ZNF804B: variants seen among roughly 807,000 people sequenced by gnomAD.
ZNF804B encodes the protein zinc finger 804B.
A neutral mutation model predicts 101.4 loss-of-function variants in ZNF804B; 80 were observed. That is an observed-to-expected ratio of 0.79 (90% CI 0.66 to 0.95). The LOEUF (loss-of-function observed/expected upper bound fraction) is 0.95. Among genes scored for constraint, ZNF804B ranks in the 40% least tolerant of loss-of-function variants. The probability of loss-of-function intolerance (pLI) is 0.00; values close to 1 mark genes in which losing one functional copy is unlikely to be tolerated. For synonymous variants in ZNF804B, 622 were observed against 558.8 expected, an observed-to-expected ratio of 1.11 and a Z score of -1.59; for missense variants, 1,673 against 1,561.9, an observed-to-expected ratio of 1.07 and a Z score of -1.20.
chr7:89,118,618 A>G (rs1790352498), intron 1 of ZNF804B, among the ~76,000 whole-genome samples: 1 of 152,194 alleles, frequency 6.6e-6, no homozygotes, highest in African/African-American at 2.4e-5. Context: ...CGGCTCTCAT[A>G]CTTTTAATGT....
At chr7:89,031,567 C>T (rs1788835422) in intron 1 of ZNF804B, among the ~76,000 whole-genome samples, 1 of 151,418 alleles carries the variant, frequency 6.6e-6, no homozygotes, top group Non-Finnish European at 1.5e-5. Context: ...TAAATGGCAG[C>T]AAAAACATAC....
At chr7:88,836,478 A>G (rs1222626024) in intron 1 of ZNF804B, among the ~76,000 whole-genome samples, 2 of 151,866 alleles carry the variant, frequency 1.3e-5, no homozygotes, top group African/African-American at 2.4e-5. Flanking sequence ...AAGAACAACA[A>G]TAACATTTAC....
At chr7:88,989,510 G>A (rs1584057101) in intron 1 of ZNF804B, among the ~76,000 whole-genome samples, 2 of 152,218 alleles carry the variant, frequency 1.3e-5, no homozygotes, top group South Asian at 4.1e-4. Context: ...AGCCTGAGGT[G>A]TACTTCTGGT....
chr7:89,016,853 A>G (rs998598086), intron 1 of ZNF804B, among the ~76,000 whole-genome samples: 6 of 152,110 alleles, frequency 3.9e-5, no homozygotes, highest in East Asian at 1.9e-4. Context: ...CTTTAAAGTA[A>G]TATTTTCCAA....
chr7:89,281,057 G>A (rs568399404), intron 2 of ZNF804B, among the ~76,000 whole-genome samples: 16 of 152,124 alleles, frequency 1.1e-4, no homozygotes, highest in Admixed American at 4.6e-4. Flanking sequence ...AAATTTAACA[G>A]CATAATTGTA....
chr7:88,966,041 T>C (rs896581796), intron 1 of ZNF804B, among the ~76,000 whole-genome samples: 5 of 151,504 alleles, frequency 3.3e-5, no homozygotes, highest in African/African-American at 1.2e-4. Flanking sequence ...TTCTATTATA[T>C]ATCTAATTCA....
chr7:88,814,925 T>G (rs1291117550), intron 1 of ZNF804B, among the ~76,000 whole-genome samples: 1 of 151,646 alleles, frequency 6.6e-6, no homozygotes, highest in Non-Finnish European at 1.5e-5. Context: ...AAATTTTGAA[T>G]AGTACCCTGT....
intron 1 of ZNF804B, among the ~76,000 whole-genome samples, chr7:88,951,512 C>T (rs1256293397): frequency 1.3e-5 from 2 of 151,786 alleles, no homozygotes; most frequent in African/African-American, 4.8e-5. Flanking sequence ...GTAATTGATT[C>T]TGCAATGATA....
At chr7:88,809,064 A>T (rs1417795526) in intron 1 of ZNF804B, among the ~76,000 whole-genome samples, 2 of 152,198 alleles carry the variant, frequency 1.3e-5, no homozygotes, top group African/African-American at 4.8e-5. Flanking sequence ...AGTATCTAAA[A>T]TAACTAAATT....
At chr7:88,994,511 A>C (rs925690517) in intron 1 of ZNF804B, among the ~76,000 whole-genome samples, 3 of 152,046 alleles carry the variant, frequency 2.0e-5, no homozygotes, top group Non-Finnish European at 4.4e-5. Context: ...TAGGTTAGTG[A>C]TTTTTAACTT....
At chr7:88,886,464 A>C (rs1329576787) in intron 1 of ZNF804B, among the ~76,000 whole-genome samples, 3 of 152,206 alleles carry the variant, frequency 2.0e-5, no homozygotes, top group Non-Finnish European at 4.4e-5. Context: ...TTTGCATTAA[A>C]TTCAGACTTC....
chr7:88,956,172 A>G (rs573340527), intron 1 of ZNF804B, among the ~76,000 whole-genome samples: 3 of 151,688 alleles, frequency 2.0e-5, no homozygotes, highest in African/African-American at 4.8e-5. Context: ...GGAAAACAGT[A>G]TGGAGGTTTC....
At chr7:88,944,676 C>A (rs558840286) in intron 1 of ZNF804B, among the ~76,000 whole-genome samples, 2 of 151,564 alleles carry the variant, frequency 1.3e-5, no homozygotes, top group Non-Finnish European at 3.0e-5. Context: ...ATAAAAGTAA[C>A]CAGAGTCATT....
intron 1 of ZNF804B, among the ~76,000 whole-genome samples, chr7:88,919,961 C>T (rs1249062407): frequency 6.6e-6 from 1 of 151,992 alleles, no homozygotes; most frequent in African/African-American, 2.4e-5. Context: ...GAGAAAACAT[C>T]CAAGAGCTCT....
intron 1 of ZNF804B, among the ~76,000 whole-genome samples, chr7:89,212,693 C>T (rs1465951456): frequency 1.3e-5 from 2 of 152,108 alleles, no homozygotes; most frequent in Non-Finnish European, 2.9e-5. Flanking sequence ...TTAGAGCTAG[C>T]CCTCTCTTAG....
At chr7:88,836,024 C>T (rs568232345) in intron 1 of ZNF804B, among the ~76,000 whole-genome samples, 1 of 151,958 alleles carries the variant, frequency 6.6e-6, no homozygotes, top group African/African-American at 2.4e-5. Flanking sequence ...CAGATATTTT[C>T]TTACTAAACA....
At chr7:88,989,499 T>A (rs1217302388) in intron 1 of ZNF804B, among the ~76,000 whole-genome samples, 1 of 152,122 alleles carries the variant, frequency 6.6e-6, no homozygotes, top group Non-Finnish European at 1.5e-5. Context: ...TCTCAAGGAA[T>A]AGCCTGAGGT....
intron 1 of ZNF804B, among the ~76,000 whole-genome samples, chr7:89,209,318 A>G (rs1788768109): frequency 6.6e-6 from 1 of 152,116 alleles, no homozygotes; most frequent in Admixed American, 6.5e-5. Context: ...GGAGAAAAAA[A>G]TCCCTTTCAA....
At chr7:88,774,354 GA>G in intron 1 of ZNF804B, among the ~76,000 whole-genome samples, 1 of 152,182 alleles carries the variant, frequency 6.6e-6, no homozygotes, top group South Asian at 2.1e-4. Flanking sequence ...GCTAGAGGCT[GA>G]GGGGATGTTC....
Sources: allele counts gnomAD v4.1 joint callset (sites outside exome capture counted in the v4.1 genomes callset), GRCh38; gene constraint gnomAD v4.1.1; transcripts MANE v1.5; gene names NCBI Gene and HGNC (gene_info 2026-07-23, HGNC 2026-07-21).